Variants in ATP2C1 observed in about 807,000 individuals in gnomAD.
The protein encoded by ATP2C1 is ATPase secretory pathway Ca2+ transporting 1.
In ATP2C1, 31 loss-of-function variants were observed where a neutral mutation model predicts 120.5. The observed-to-expected ratio is 0.26, with a 90% CI of 0.19 to 0.35. The LOEUF (loss-of-function observed/expected upper bound fraction) is 0.35, where lower values mean the gene tolerates loss of function less well. Among genes scored for constraint, ATP2C1 ranks in the 10% least tolerant of loss-of-function variants. ATP2C1 has a pLI of 1.00. For missense variants in ATP2C1, 731 were observed against 1,107.5 expected, an observed-to-expected ratio of 0.66 and a Z score of 4.83; for synonymous variants, 351 against 358.7, an observed-to-expected ratio of 0.98 and a Z score of 0.24.
Position 131,001,870 on chromosome 3 carries a change from T to C in ATP2C1, c.*520T>C. The stretch of plus-strand genomic sequence containing the variant: ...TAATGTAAGCAGCTCAGATACCATG[T>C]GCTATCATTTTTGTATCAAGTTTTT... On this transcript the variant is annotated 3_prime_UTR_variant, in exon 28 of 28. Transcript: ENST00000510168. The C allele has an allele frequency of 1.0e-6, 1 of 985,890 alleles. No individual in the cohort carries two copies. The highest frequency in any genetic ancestry group is 1.2e-6 in the Non-Finnish European group (1 of 829,952). 61.1% of individuals were successfully genotyped at this position (985,890 alleles called of 1,614,324 possible).
chr3:130,925,755 G>A (rs1026460860), intron 2 of ATP2C1, among the ~76,000 whole-genome samples: 3 of 151,828 alleles, frequency 2.0e-5, no homozygotes, highest in African/African-American at 4.8e-5. Flanking sequence ...GCAGGAATAG[G>A]GGTGTCTCAG....
chr3:130,992,866 T>C, intron 20 of ATP2C1, 85 bp from the exon 21 acceptor site: 3 of 1,105,218 alleles, frequency 2.7e-6, no homozygotes, highest in Non-Finnish European at 4.1e-6. Flanking sequence ...AATTGATGAG[T>C]TTTTCATCAT....
intron 2 of ATP2C1, among the ~76,000 whole-genome samples, chr3:130,927,386 G>T (rs574100097): frequency 6.6e-6 from 1 of 151,848 alleles, no homozygotes; most frequent in African/African-American, 2.4e-5. Flanking sequence ...GACTACCGGC[G>T]CCTGCCACCA....
At chr3:130,915,256 G>C (rs1474281918) in intron 2 of ATP2C1, among the ~76,000 whole-genome samples, 1 of 152,002 alleles carries the variant, frequency 6.6e-6, no homozygotes, top group Non-Finnish European at 1.5e-5. Context: ...ACTACGTCCA[G>C]CTAATTTTTG....
At position 130,960,040 on chromosome 3, in the gene ATP2C1, A is replaced by T. The variant is rs569370662; in HGVS notation, c.899+699A>T. Among the ~76,000 whole-genome samples the T allele has an allele frequency of 4.4e-4, 67 of 152,294 alleles. 1 individual carries two copies. The South Asian group carries it at 0.014, about 31-fold the overall frequency. On this transcript the variant is annotated intron_variant, in intron 12 of 27. Coordinates refer to ENST00000510168, the MANE Select transcript of ATP2C1 (RefSeq NM_001378687.1). Reference sequence around the variant, plus strand: ...GCAAAAAGTAAGTCTTTATAGATTGAAAGGATTCACTAAATACCAAGCAGA... The same window carrying T: ...GCAAAAAGTAAGTCTTTATAGATTGTAAGGATTCACTAAATACCAAGCAGA...
chr3:131,002,210 A>C lies in ATP2C1; in HGVS notation c.*860A>C, dbSNP rs1250342255. ...TGAGGTAAAGATATATACTTTGTCA[A>C]ATATCATTTTGTCATCCTCTAAATA... On this transcript the variant is annotated 3_prime_UTR_variant, in exon 28 of 28. Transcript: ENST00000510168. 1 of 969,678 alleles carries C rather than the reference A, an allele frequency of 1.0e-6. No individual in the cohort carries two copies. Among genetic ancestry groups the C allele is most frequent in the Middle Eastern group, 5.3e-4 (1 of 1,878 alleles). 60.1% of individuals were successfully genotyped at this position (969,678 alleles called of 1,614,324 possible).
At chr3:130,851,953 A>G (rs2067689694) in intron 1 of ATP2C1, among the ~76,000 whole-genome samples, 1 of 152,222 alleles carries the variant, frequency 6.6e-6, no homozygotes, top group African/African-American at 2.4e-5. Flanking sequence ...AAATCCTCTC[A>G]TGACAGGTTT....
intron 1 of ATP2C1, among the ~76,000 whole-genome samples, chr3:130,862,897 A>G (rs1452802397): frequency 6.6e-6 from 1 of 152,228 alleles, no homozygotes; most frequent in Admixed American, 6.5e-5. Context: ...TGAAGGAGGG[A>G]TAGCCAGTAA....
At chr3:130,877,277 A>G (rs2068632873) in intron 1 of ATP2C1, among the ~76,000 whole-genome samples, 1 of 152,156 alleles carries the variant, frequency 6.6e-6, no homozygotes, top group Admixed American at 6.6e-5. Context: ...TTGCTTATTC[A>G]TTCAGCCAGT....
Position 130,994,077 on chromosome 3 carries a change from A to G in ATP2C1, c.2036A>G (p.Asp679Gly). 2 of 1,614,132 alleles carry G rather than the reference A, an allele frequency of 1.2e-6. No homozygotes were observed. The highest frequency in any genetic ancestry group is 1.7e-6 in the Non-Finnish European group (2 of 1,180,000). Residue 679 changes from aspartate to glycine, a missense_variant, in exon 22 of 28, where the codon GAT becomes GGT. Physicochemically the swap from Asp to Gly is moderately conservative, Grantham distance 94. Coordinates refer to ENST00000510168, the MANE Select transcript of ATP2C1 (RefSeq NM_001378687.1). ...GAGGCAGCAGACATGATCCTAGTGG[A>G]TGATGATTTTCAAACCATAATGTAA... Reference protein sequence around the residue: ...CKEAADMILVDDDFQTIMSAI... With the variant: ...CKEAADMILVGDDFQTIMSAI...
Position 130,978,141 on chromosome 3 carries a change from A to G in ATP2C1, c.1571-1108A>G, listed in dbSNP as rs148537874. The stretch of plus-strand genomic sequence containing the variant: ...GTCACTGTCCCCTTCTGTTACCATC[A>G]GCCTCTATCCTAACACCAGGAACTG... On this transcript the variant is annotated intron_variant, in intron 18 of 27. Coordinates refer to ENST00000510168, the MANE Select transcript of ATP2C1 (RefSeq NM_001378687.1). Among the ~76,000 whole-genome samples the G allele has an allele frequency of 4.7e-3, 716 of 152,278 alleles. 5 individuals are homozygous for G. Among genetic ancestry groups the G allele is most frequent in the African/African-American group, 0.016 (654 of 41,554 alleles).
chr3:130,887,363 C>T (rs879368006), intron 1 of ATP2C1, among the ~76,000 whole-genome samples: 3 of 152,178 alleles, frequency 2.0e-5, no homozygotes, highest in Non-Finnish European at 2.9e-5. Context: ...CCCTAGGGCT[C>T]TACCATTAGC....
intron 1 of ATP2C1, among the ~76,000 whole-genome samples, chr3:130,870,226 C>T (rs753729923): frequency 2.0e-5 from 3 of 152,158 alleles, no homozygotes; most frequent in Non-Finnish European, 4.4e-5. Context: ...TGCAGCTAGT[C>T]ACCCAAGAGC....
intron 4 of ATP2C1, among the ~76,000 whole-genome samples, chr3:130,933,001 C>T (rs920738392): frequency 1.3e-5 from 2 of 152,112 alleles, no homozygotes; most frequent in Non-Finnish European, 2.9e-5. Flanking sequence ...TTATATGTGT[C>T]TTTGTATTTT....
Position 130,997,663 on chromosome 3 carries a change from A to G in ATP2C1, c.2301A>G (p.Lys767=), listed in dbSNP as rs774457673. The change falls in exon 25 of 28, where the codon AAA becomes AAG. Residue 767 remains lysine (K), a synonymous_variant. Coordinates refer to ENST00000510168, the MANE Select transcript of ATP2C1 (RefSeq NM_001378687.1). The stretch of plus-strand genomic sequence containing the variant: ...TTCGTAAACCTCCTCGCAACTGGAA[A>G]GACAGCATTTTGACTAAAAACTTGA... ...DVIRKPPRNW[K]DSILTKNLIL... 6 of 1,613,818 alleles carry G rather than the reference A, an allele frequency of 3.7e-6. No individual in the cohort carries two copies. The Admixed American group carries it at 1.0e-4, about 27-fold the overall frequency.
intron 1 of ATP2C1, among the ~76,000 whole-genome samples, chr3:130,867,503 G>T (rs1334360309): frequency 3.4e-5 from 5 of 149,096 alleles, no homozygotes; most frequent in Non-Finnish European, 6.0e-5. Context: ...TGTTGGCCGG[G>T]CTGGTCTCCA....
In ATP2C1 at chr3:130,940,701, T is replaced by C; in HGVS notation, c.422+10T>C. On this transcript the variant is annotated intron_variant, in intron 7 of 27. Coordinates refer to ENST00000510168, the MANE Select transcript of ATP2C1 (RefSeq NM_001378687.1). ...CACCAGAATGCCATTGGTATGATCCTTTTTTTGGTATGGATTTCTGCCCCT... is the reference window on the plus strand; with the variant it reads ...CACCAGAATGCCATTGGTATGATCCCTTTTTTGGTATGGATTTCTGCCCCT... The C allele has an allele frequency of 1.9e-6, 3 of 1,596,466 alleles. No homozygotes were observed. Among genetic ancestry groups the C allele is most frequent in the Admixed American group, 3.3e-5 (2 of 59,936 alleles).
chr3:130,968,718 T>G (rs555414982), intron 16 of ATP2C1, among the ~76,000 whole-genome samples: 61 of 152,230 alleles, frequency 4.0e-4, no homozygotes, highest in African/African-American at 1.4e-3. Flanking sequence ...CAATACATGG[T>G]AGAATTTTGA....
chr3:130,999,308 G>A (rs982009067), intron 26 of ATP2C1, among the ~76,000 whole-genome samples: 5 of 151,998 alleles, frequency 3.3e-5, no homozygotes, highest in Admixed American at 1.3e-4. Context: ...GCCTTTTCTT[G>A]ATAAATAAAA....
Sources: allele counts gnomAD v4.1 joint callset (sites outside exome capture counted in the v4.1 genomes callset), GRCh38; gene constraint gnomAD v4.1.1; transcripts MANE v1.5; gene names NCBI Gene and HGNC (gene_info 2026-07-23, HGNC 2026-07-21).